The following UHRF2 variants were observed in gnomAD, a reference collection of about 807,000 sequenced individuals.
UHRF2 encodes the protein ubiquitin like with PHD and ring finger domains 2, also known as E3 ubiquitin-protein ligase UHRF2.
In UHRF2, 23 loss-of-function variants were observed where a neutral mutation model predicts 96.8. The observed-to-expected ratio is 0.24, with a 90% CI of 0.17 to 0.34. The LOEUF is 0.34. UHRF2 is among the 10% of genes least tolerant of loss of function. The pLI, the probability that UHRF2 is intolerant of heterozygous loss-of-function variation, is 1.00. For missense variants in UHRF2, 685 were observed against 981.5 expected (o/e 0.70, Z 4.04); for synonymous variants, 385 against 332.6 (o/e 1.16, Z -1.72).
At position 6,420,974 on chromosome 9, in the gene UHRF2, A is replaced by C; in HGVS notation, c.216A>C (p.Leu72=). The stretch of plus-strand genomic sequence containing the variant: ...GACTGAATGATATAATTCAGCTGCT[A>C]GTTCGCCCAGACCCTGATCATCTTC... The part of the protein sequence containing the change: ...DVGLNDIIQL[L]VRPDPDHLPG... The change falls in exon 2 of 16, where the codon CTA becomes CTC. Residue 72 remains leucine, a synonymous_variant. Coordinates refer to ENST00000276893, the MANE Select transcript of UHRF2 (RefSeq NM_152896.3). 1 of 1,614,202 alleles carries C rather than the reference A, an allele frequency of 6.2e-7. No individual in the cohort carries two copies. Among genetic ancestry groups the C allele is most frequent in the Non-Finnish European group, 8.5e-7 (1 of 1,180,032 alleles).
At position 6,506,364 on chromosome 9, in the gene UHRF2, T is replaced by C. The variant is rs1816583763; in HGVS notation, c.*185T>C. On this transcript the variant is annotated 3_prime_UTR_variant, in exon 16 of 16. Transcript: ENST00000276893. Reference sequence around the variant, plus strand: ...GCCCATTTCTCAACTGTCTTTTAAATATCTAAAGGTAGTTCCTGTAACAAC... The same window carrying C: ...GCCCATTTCTCAACTGTCTTTTAAACATCTAAAGGTAGTTCCTGTAACAAC... 3 of 653,170 alleles carry C rather than the reference T, an allele frequency of 4.6e-6. No individual in the cohort carries two copies. Among genetic ancestry groups the C allele is most frequent in the Non-Finnish European group, 7.1e-6 (3 of 419,624 alleles). 40.5% of individuals were successfully genotyped at this position (653,170 alleles called of 1,614,324 possible).
chr9:6,421,621 A>C (rs1333802963), intron 2 of UHRF2, among the ~76,000 whole-genome samples: 1 of 151,988 alleles, frequency 6.6e-6, no homozygotes, highest in Non-Finnish European at 1.5e-5. Flanking sequence ...TTCACCATGT[A>C]GGCCAGGCTA....
intron 3 of UHRF2, among the ~76,000 whole-genome samples, chr9:6,445,576 G>A (rs1821438428): frequency 6.6e-6 from 1 of 151,940 alleles, no homozygotes; most frequent in African/African-American, 2.4e-5. Flanking sequence ...ATTTATTTTT[G>A]AGACAGGGTC....
chr9:6,426,747 T>TTTTTA (rs1247445784), intron 2 of UHRF2, among the ~76,000 whole-genome samples: 1 of 152,148 alleles, frequency 6.6e-6, no homozygotes, highest in South Asian at 2.1e-4. Flanking sequence ...ATTTGCTTTA[T>TTTTTA]TTTTATTTTA....
At chr9:6,494,126 C>A in intron 10 of UHRF2, 194 bp downstream of exon 10, 1 of 515,680 alleles carries the variant, frequency 1.9e-6, no homozygotes, top group Non-Finnish European at 3.4e-6. Context: ...TTTTAAATGC[C>A]ATAATTTCTA....
chr9:6,469,724 G>A (rs1823116532), intron 4 of UHRF2, among the ~76,000 whole-genome samples: 3 of 98,540 alleles, frequency 3.0e-5, no homozygotes, highest in African/African-American at 6.6e-5. Context: ...ACATATATGT[G>A]CATATATACG....
chr9:6,488,540 CTTTTTTTTTTT>C (rs58280407), intron 9 of UHRF2, among the ~76,000 whole-genome samples: 12 of 83,822 alleles, frequency 1.4e-4, no homozygotes, highest in African/African-American at 2.9e-4. Flanking sequence ...TTTTTCTTTT[CTTTTTTTTTTT>C]TTTTTTTTTT....
chr9:6,498,232 C>A lies in UHRF2; in HGVS notation c.1908+74C>A, dbSNP rs1227413339. 2.8e-5 allele frequency: 41 copies of A among 1,479,218 alleles called. No individual in the cohort carries two copies. The East Asian group carries it at 9.6e-4, about 35-fold the overall frequency. The allele number at this position is 1,479,218 out of a possible 1,614,324, so 91.6% of individuals were successfully genotyped here. ...CCTCTTCTATCTACATGCCTTAACA[C>A]TGGATATAACCCACAGCAATTGACT... is the stretch of plus-strand genomic sequence containing the variant. On this transcript the variant is annotated intron_variant, in intron 12 of 15. Transcript: ENST00000276893.
At chr9:6,477,545 A>C (rs1823657198) in intron 5 of UHRF2, 77 bp from the exon 6 acceptor site, 6 of 1,386,952 alleles carry the variant, frequency 4.3e-6, no homozygotes, top group Non-Finnish European at 4.9e-6. Flanking sequence ...TGCTGTTTCC[A>C]TGGGCTTTTC....
intron 10 of UHRF2, 29 bp from the exon 11 acceptor site, chr9:6,497,169 G>A (rs1325481173): frequency 6.3e-7 from 1 of 1,595,580 alleles, no homozygotes; most frequent in Non-Finnish European, 8.5e-7. Context: ...AAAATTACAT[G>A]GTATAAAGAC....
At chr9:6,489,604 A>G (rs1824531001) in intron 9 of UHRF2, among the ~76,000 whole-genome samples, 1 of 151,744 alleles carries the variant, frequency 6.6e-6, no homozygotes, top group South Asian at 2.1e-4. Context: ...TGTTTTAGCC[A>G]TTCTGATAGG....
At position 6,422,735 on chromosome 9, in the gene UHRF2, A is replaced by G. The variant is rs902986845; in HGVS notation, c.384+1593A>G. 5 of 511,284 alleles carry G rather than the reference A, an allele frequency of 9.8e-6. No homozygotes were observed. In the Admixed American group the frequency reaches 1.3e-4, roughly 13 times the overall value. The allele number at this position is 511,284 out of a possible 1,614,324, so 31.7% of individuals were successfully genotyped here. ...AGTGATCTTCCTGCTCGGCCTCCCA[A>G]AGTGCTGGGATACAGGCGTGAGCCA... is the stretch of plus-strand genomic sequence containing the variant. On this transcript the variant is annotated intron_variant, in intron 2 of 15. Transcript: ENST00000276893.
chr9:6,504,015 CTTTTTTTTTTTTTT>C (rs35325264), intron 14 of UHRF2, among the ~76,000 whole-genome samples: 1 of 78,942 alleles, frequency 1.3e-5, no homozygotes, highest in African/African-American at 6.0e-5. Context: ...AAATAGAAGA[CTTTTTTTTTTTTTT>C]TTTTTTTTTT....
chr9:6,450,723 T>A (rs1452564117), intron 3 of UHRF2, among the ~76,000 whole-genome samples: 2 of 152,220 alleles, frequency 1.3e-5, no homozygotes, highest in Admixed American at 1.3e-4. Flanking sequence ...GTTACTTTGA[T>A]GCTTATATTG....
chr9:6,477,235 A>G (rs564743112), intron 5 of UHRF2, among the ~76,000 whole-genome samples: 1 of 151,388 alleles, frequency 6.6e-6, no homozygotes, highest in African/African-American at 2.4e-5. Context: ...CTCCATCTCA[A>G]AAAAAAAGAC....
intron 1 of UHRF2, 58 bp downstream of exon 1, chr9:6,413,701 C>A: frequency 7.0e-7 from 1 of 1,437,882 alleles, no homozygotes; most frequent in Non-Finnish European, 9.1e-7. Flanking sequence ...CTGGGCTCCT[C>A]TGGACGCACC....
Position 6,420,895 on chromosome 9 carries a change from CT to C in UHRF2, c.154-14del, listed in dbSNP as rs747194084. The stretch of plus-strand genomic sequence containing the variant: ...CATTTTAGAGAAGCATTTCACTATT[CT>C]TTCTTTATTTTCTAGTTGGAAAATG... On this transcript the variant is annotated splice_polypyrimidine_tract_variant and intron_variant, in intron 1 of 15. Transcript: ENST00000276893. 3 of 1,588,598 alleles carry C rather than the reference CT, an allele frequency of 1.9e-6. No homozygotes were observed. The South Asian group carries it at 3.3e-5, about 18-fold the overall frequency.
chr9:6,504,775 A>G (rs2130980891), intron 15 of UHRF2, 84 bp downstream of exon 15: 3 of 1,091,298 alleles, frequency 2.7e-6, no homozygotes, highest in African/African-American at 1.6e-5. Flanking sequence ...GCTAAGAAGC[A>G]TTTTCCGTGA....
intron 3 of UHRF2, among the ~76,000 whole-genome samples, chr9:6,450,183 A>T (rs12554047): frequency 1.3e-5 from 2 of 152,012 alleles, no homozygotes; most frequent in Admixed American, 6.6e-5. Context: ...TAACCAATCA[A>T]TGTTCATAGT....
Sources: gnomAD v4.1 joint callset for allele counts (sites outside exome capture counted in the v4.1 genomes callset) on GRCh38, gnomAD v4.1.1 for gene constraint, MANE v1.5 for transcripts, NCBI Gene and HGNC (gene_info 2026-07-23, HGNC 2026-07-21) for gene names.